Variants in ROBO2 observed in about 807,000 individuals in gnomAD.
The protein encoded by ROBO2 is roundabout guidance receptor 2.
In ROBO2, 53 loss-of-function variants were observed where a neutral mutation model predicts 160.8. That is an observed-to-expected ratio of 0.33 (90% confidence interval 0.26 to 0.41). ROBO2 has a LOEUF of 0.41. Among genes scored for constraint, ROBO2 ranks in the 10% least tolerant of loss-of-function variants. The pLI, the probability that ROBO2 is intolerant of heterozygous loss-of-function variation, is 1.00. For missense variants in ROBO2, 1,577 were observed against 1,722.4 expected, an observed-to-expected ratio of 0.92 and a Z score of 1.49; for synonymous variants, 664 against 611.7, an observed-to-expected ratio of 1.09 and a Z score of -1.26.
chr3:76,739,086 T>C (rs1189722236), intron 2 of ROBO2, among the ~76,000 whole-genome samples: 3 of 152,014 alleles, frequency 2.0e-5, no homozygotes, highest in Non-Finnish European at 4.4e-5. Flanking sequence ...TCCTCAGGGA[T>C]CTAGAACTAG....
At chr3:76,199,283 C>T (rs1702407816) in intron 2 of ROBO2, among the ~76,000 whole-genome samples, 1 of 151,980 alleles carries the variant, frequency 6.6e-6, no homozygotes, top group African/African-American at 2.4e-5. Context: ...GGAGTCAAAC[C>T]CCAGGAATGT....
intron 5 of ROBO2, among the ~76,000 whole-genome samples, chr3:77,503,411 T>C (rs556077182): frequency 2.0e-3 from 296 of 150,926 alleles, no homozygotes; most frequent in Admixed American, 4.4e-3. Context: ...GTAGTCCCAG[T>C]TACTCGGGAG....
chr3:76,010,601 C>T (rs189403184), intron 2 of ROBO2, among the ~76,000 whole-genome samples: 3 of 152,350 alleles, frequency 2.0e-5, no homozygotes, highest in Admixed American at 1.3e-4. Flanking sequence ...ATATAACCAC[C>T]TGCCTGATTT....
chr3:76,801,156 G>A (rs2064167277), intron 2 of ROBO2, among the ~76,000 whole-genome samples: 1 of 152,152 alleles, frequency 6.6e-6, no homozygotes, highest in Non-Finnish European at 1.5e-5. Flanking sequence ...GGCACAGAAA[G>A]ACAAACTTTG....
intron 2 of ROBO2, among the ~76,000 whole-genome samples, chr3:76,073,518 C>G (rs2068541456): frequency 6.6e-6 from 1 of 151,748 alleles, no homozygotes; most frequent in Admixed American, 6.6e-5. Flanking sequence ...GTCTCGATCT[C>G]CTGACCTCGT....
chr3:77,219,523 G>C (rs1031316108), intron 2 of ROBO2, among the ~76,000 whole-genome samples: 1 of 142,062 alleles, frequency 7.0e-6, no homozygotes, highest in Non-Finnish European at 1.5e-5. Flanking sequence ...ATCTGTGTGT[G>C]TGTATATATA....
chr3:77,205,141 A>G (rs2083297267), intron 2 of ROBO2, among the ~76,000 whole-genome samples: 1 of 152,126 alleles, frequency 6.6e-6, no homozygotes, highest in Non-Finnish European at 1.5e-5. Context: ...CAGTGGAACC[A>G]TTACCTTTTC....
At chr3:76,748,890 G>A (rs9860732) in intron 2 of ROBO2, among the ~76,000 whole-genome samples, 2,927 of 151,758 alleles carry the variant, frequency 0.019, 69 homozygotes, top group African/African-American at 0.058. Flanking sequence ...TAGAATATTC[G>A]TTACATCATG....
chr3:77,165,371 G>A (rs572671160), intron 2 of ROBO2, among the ~76,000 whole-genome samples: 1 of 148,270 alleles, frequency 6.7e-6, no homozygotes, highest in South Asian at 2.2e-4. Flanking sequence ...CAGCATGCTC[G>A]TTAAGAGTCA....
At chr3:76,414,598 A>T (rs1171293081) in intron 2 of ROBO2, among the ~76,000 whole-genome samples, 1 of 118,272 alleles carries the variant, frequency 8.5e-6, no homozygotes, top group Non-Finnish European at 1.6e-5. Context: ...GGGGAATATC[A>T]CACTCTGGGG....
chr3:76,664,959 C>A (rs954017436), intron 2 of ROBO2, among the ~76,000 whole-genome samples: 8 of 152,118 alleles, frequency 5.3e-5, no homozygotes, highest in Non-Finnish European at 1.0e-4. Flanking sequence ...CAGAGTCAAA[C>A]GCTACAGAGA....
At chr3:76,637,734 A>G (rs1005709727) in intron 2 of ROBO2, among the ~76,000 whole-genome samples, 7 of 152,216 alleles carry the variant, frequency 4.6e-5, no homozygotes, top group African/African-American at 1.4e-4. Context: ...TAGAAACTAT[A>G]TTATGCATTA....
chr3:76,469,553 C>T (rs750368532), intron 2 of ROBO2, among the ~76,000 whole-genome samples: 2 of 151,988 alleles, frequency 1.3e-5, no homozygotes, highest in Non-Finnish European at 2.9e-5. Context: ...ATACTGTCCC[C>T]CCACACCTCT....
chr3:76,370,324 G>A (rs1456702834), intron 2 of ROBO2, among the ~76,000 whole-genome samples: 1 of 151,858 alleles, frequency 6.6e-6, no homozygotes, highest in African/African-American at 2.4e-5. Flanking sequence ...TATGCAGATG[G>A]GAATTGGTGT....
intron 2 of ROBO2, among the ~76,000 whole-genome samples, chr3:76,845,945 A>G (rs1559593988): frequency 6.6e-6 from 1 of 152,084 alleles, no homozygotes; most frequent in Non-Finnish European, 1.5e-5. Flanking sequence ...AAAATGCTCA[A>G]CAATGGGTCT....
chr3:77,471,786 A>C (rs1405769314), intron 2 of ROBO2, among the ~76,000 whole-genome samples: 1 of 152,196 alleles, frequency 6.6e-6, no homozygotes, highest in African/African-American at 2.4e-5. Flanking sequence ...GGAAAGTGGG[A>C]GACACAGGCA....
intron 2 of ROBO2, among the ~76,000 whole-genome samples, chr3:76,813,941 A>C (rs528165101): frequency 6.6e-6 from 1 of 152,288 alleles, no homozygotes; most frequent in South Asian, 2.1e-4. Flanking sequence ...TCTTTTCAAT[A>C]AGTAACTTTT....
intron 1 of ROBO2, among the ~76,000 whole-genome samples, chr3:77,083,232 T>C (rs1359420385): frequency 6.6e-6 from 1 of 152,172 alleles, no homozygotes; most frequent in African/African-American, 2.4e-5. Context: ...GAGTAAATTC[T>C]GTCCAAATAA....
At chr3:76,566,751 AAAG>A (rs1480865945) in intron 2 of ROBO2, among the ~76,000 whole-genome samples, 4 of 152,130 alleles carry the variant, frequency 2.6e-5, no homozygotes, top group Admixed American at 1.3e-4. Flanking sequence ...AAGTGGGAAG[AAAG>A]AAGAAAGGAA....
Sources: allele counts gnomAD v4.1 joint callset (sites outside exome capture counted in the v4.1 genomes callset), GRCh38; gene constraint gnomAD v4.1.1; transcripts MANE v1.5; gene names NCBI Gene and HGNC (gene_info 2026-07-23, HGNC 2026-07-21).